KIAA0753: variants seen among roughly 807,000 people sequenced by gnomAD.
KIAA0753 encodes KIAA0753, also known as protein moonraker.
A neutral mutation model predicts 116.9 loss-of-function variants in KIAA0753; 114 were observed. The observed-to-expected ratio is 0.98, with a 90% CI of 0.84 to 1.14. KIAA0753 has a LOEUF of 1.14. KIAA0753 is among the 50% of genes most tolerant of loss of function. KIAA0753 has a pLI of 0.00. For synonymous variants in KIAA0753, 405 were observed against 413.1 expected (o/e 0.98, Z 0.24); for missense variants, 1,156 against 1,172.4 (o/e 0.99, Z 0.20).
In KIAA0753 at chr17:6,613,444, T is replaced by TC. The variant is rs781260002; in HGVS notation, c.1316-1297dup. ...GATCCAAAATTCATACAGAGTAAAATCCCAGTAGCCCAAATAATTTTGAAG... is the reference window on the plus strand; with the variant it reads ...GATCCAAAATTCATACAGAGTAAAATCCCCAGTAGCCCAAATAATTTTGAAG... On this transcript the variant is annotated intron_variant, in intron 7 of 18. Transcript: ENST00000361413. 1.5e-3 allele frequency among the ~76,000 whole-genome samples: 223 copies of TC among 152,142 alleles called. 2 individuals carry two copies. The highest frequency in any genetic ancestry group is 4.1e-4 in the Non-Finnish European group (28 of 68,006).
chr17:6,584,612 C>A (rs1245535437), intron 18 of KIAA0753, among the ~76,000 whole-genome samples: 1 of 152,056 alleles, frequency 6.6e-6, no homozygotes, highest in Non-Finnish European at 1.5e-5. Flanking sequence ...GGAACCATCC[C>A]TGCTGGAGTG....
chr17:6,592,445 G>A (rs771741430), intron 16 of KIAA0753, among the ~76,000 whole-genome samples: 2 of 152,146 alleles, frequency 1.3e-5, no homozygotes, highest in Non-Finnish European at 2.9e-5. Context: ...GAGTAAGGCA[G>A]TAACCGATAA....
At position 6,579,594 on chromosome 17, in the gene KIAA0753, A is replaced by C. The variant is rs549583444; in HGVS notation, c.*153T>G. On this transcript the variant is annotated 3_prime_UTR_variant, in exon 19 of 19. Coordinates refer to ENST00000361413, the MANE Select transcript of KIAA0753 (RefSeq NM_014804.3). ...CCATGACAAAAGAAAATGCAAAGTG[A>C]GGATGACCTCCCCGGCACTGCCTTC... is the stretch of plus-strand genomic sequence containing the variant. The C allele has an allele frequency of 2.0e-4, 130 of 648,410 alleles. No individual in the cohort carries two copies. The highest frequency in any genetic ancestry group is 1.3e-3 in the Admixed American group (54 of 42,846). The allele number at this position is 648,410 out of a possible 1,614,324, so 40.2% of individuals were successfully genotyped here.
At chr17:6,628,934 T>C (rs1244718332) in intron 2 of KIAA0753, among the ~76,000 whole-genome samples, 193 bp from the exon 3 acceptor site, 1 of 152,228 alleles carries the variant, frequency 6.6e-6, no homozygotes, top group Non-Finnish European at 1.5e-5. Context: ...TTCTATCCTA[T>C]AATCATCCAG....
intron 3 of KIAA0753, among the ~76,000 whole-genome samples, chr17:6,625,665 A>T (rs1376638278): frequency 1.4e-5 from 2 of 138,868 alleles, no homozygotes; most frequent in African/African-American, 2.4e-5. Flanking sequence ...AGACTGTCTT[A>T]AAAAAGAGAA....
At chr17:6,593,491 C>T (rs1465391549) in intron 16 of KIAA0753, among the ~76,000 whole-genome samples, 2 of 152,118 alleles carry the variant, frequency 1.3e-5, no homozygotes, top group South Asian at 2.1e-4. Context: ...CGCAATGGCT[C>T]ACACCTGGAA....
chr17:6,610,735 G>C (rs1970487209), intron 8 of KIAA0753, among the ~76,000 whole-genome samples: 1 of 151,928 alleles, frequency 6.6e-6, no homozygotes, highest in Non-Finnish European at 1.5e-5. Context: ...GTCCAGGCTG[G>C]TCTTGAACTC....
chr17:6,582,653 T>TTGTC (rs1169457905), intron 18 of KIAA0753, among the ~76,000 whole-genome samples: 4 of 152,240 alleles, frequency 2.6e-5, no homozygotes, highest in Non-Finnish European at 1.5e-5. Context: ...TTTTCTATAT[T>TTGTC]TGTCTCTTTG....
intron 7 of KIAA0753, among the ~76,000 whole-genome samples, chr17:6,614,624 A>G (rs1970760827): frequency 1.3e-5 from 2 of 152,310 alleles, no homozygotes; most frequent in East Asian, 3.9e-4. Context: ...CGTCTATAAT[A>G]GAATGACAAT....
At chr17:6,615,616 A>G (rs1425185326) in intron 7 of KIAA0753, among the ~76,000 whole-genome samples, 1 of 95,164 alleles carries the variant, frequency 1.1e-5, no homozygotes, top group South Asian at 3.4e-4. Flanking sequence ...CTCCGTCTCA[A>G]AAAAAAAAAA....
At chr17:6,620,605 T>C (rs1971248523) in intron 7 of KIAA0753, among the ~76,000 whole-genome samples, 183 bp downstream of exon 7, 1 of 152,172 alleles carries the variant, frequency 6.6e-6, no homozygotes, top group Non-Finnish European at 1.5e-5. Context: ...TTTCTCAACC[T>C]TCCTCTATAG....
At chr17:6,631,300 A>G (rs553405745) in intron 2 of KIAA0753, among the ~76,000 whole-genome samples, 4 of 152,274 alleles carry the variant, frequency 2.6e-5, no homozygotes, top group Non-Finnish European at 5.9e-5. Context: ...GTCAGGCTAA[A>G]GACAGATGTA....
At position 6,591,074 on chromosome 17, in the gene KIAA0753, GAA is replaced by G. The variant is rs1315736061; in HGVS notation, c.2441-446_2441-445del. 1.6e-3 allele frequency among the ~76,000 whole-genome samples: 195 copies of G among 120,804 alleles called. 2 individuals carry two copies. Among genetic ancestry groups the G allele is most frequent in the Middle Eastern group, 7.8e-3 (2 of 258 alleles). The allele number at this position is 120,804 out of a possible 152,430, so 79.3% of individuals were successfully genotyped here. ...AGAAGAAGAAGAAGAAGAAGAAGAAGAAGAAGAAGAAGAAGAAGAAGAAGAAG... is the reference window on the plus strand; with the variant it reads ...AGAAGAAGAAGAAGAAGAAGAAGAAGGAAGAAGAAGAAGAAGAAGAAGAAG... On this transcript the variant is annotated intron_variant, in intron 16 of 18. Transcript: ENST00000361413.
chr17:6,631,320 A>G (rs1429277929), intron 2 of KIAA0753, among the ~76,000 whole-genome samples: 1 of 152,228 alleles, frequency 6.6e-6, no homozygotes, highest in African/African-American at 2.4e-5. Context: ...ACTCTAAACA[A>G]ATACTGAACT....
chr17:6,628,035 G>T, intron 3 of KIAA0753, 82 bp downstream of exon 3: 4 of 1,303,234 alleles, frequency 3.1e-6, no homozygotes, highest in Non-Finnish European at 4.3e-6. Flanking sequence ...TTGCTATAGG[G>T]GTTGAGGGTC....
intron 16 of KIAA0753, among the ~76,000 whole-genome samples, chr17:6,591,858 G>A (rs548511536): frequency 2.6e-5 from 4 of 152,350 alleles, no homozygotes; most frequent in East Asian, 1.9e-4. Context: ...GGCCCTTGCC[G>A]GGCCAGTCCC....
Position 6,623,094 on chromosome 17 carries a change from A to G in KIAA0753, c.892T>C (p.Trp298Arg), listed in dbSNP as rs749161518. 26 of 1,611,782 alleles carry G rather than the reference A, an allele frequency of 1.6e-5. No individual in the cohort carries two copies. The highest frequency in any genetic ancestry group is 2.1e-5 in the Non-Finnish European group (25 of 1,179,128). The change falls in exon 6 of 19, where the codon TGG (tryptophan) becomes CGG (arginine). Residue 298 changes from tryptophan (W) to arginine (R), a missense_variant. Transcript: ENST00000361413. ...PHKIKHTKKS[W>R]AMSKLAAAHR... ...GCAGCCGCCAGCTTAGACATTGCCCATGACTGGTAATAAACAAGATGAGAG... is the reference window on the plus strand; with the variant it reads ...GCAGCCGCCAGCTTAGACATTGCCCGTGACTGGTAATAAACAAGATGAGAG...
chr17:6,613,971 T>C (rs532835280), intron 7 of KIAA0753, among the ~76,000 whole-genome samples: 1 of 152,166 alleles, frequency 6.6e-6, no homozygotes, highest in African/African-American at 2.4e-5. Context: ...AGGACTAATA[T>C]CCAGACTATA....
chr17:6,615,772 G>A (rs1383266090), intron 7 of KIAA0753, among the ~76,000 whole-genome samples: 2 of 152,120 alleles, frequency 1.3e-5, no homozygotes, highest in Admixed American at 1.3e-4. Context: ...TGAGTTTGAG[G>A]ACACTGCTGG....
Sources: allele counts gnomAD v4.1 joint callset (sites outside exome capture counted in the v4.1 genomes callset), GRCh38; gene constraint gnomAD v4.1.1; transcripts MANE v1.5; gene names NCBI Gene and HGNC (gene_info 2026-07-23, HGNC 2026-07-21).